TASP1: variants seen among roughly 807,000 people sequenced by gnomAD.
The protein encoded by TASP1 is taspase 1, also known as threonine aspartase 1.
In TASP1, 16 loss-of-function variants were observed where a neutral mutation model predicts 56.6. The observed-to-expected ratio is 0.28, with a 90% CI of 0.19 to 0.43. The LOEUF (loss-of-function observed/expected upper bound fraction) is 0.43. Ranked by LOEUF, TASP1 falls within the 20% of genes least tolerant of loss-of-function variation. The pLI is 1.00. For synonymous variants in TASP1, 179 were observed against 184.2 expected, an observed-to-expected ratio of 0.97 and a Z score of 0.23; for missense variants, 393 against 511.6, an observed-to-expected ratio of 0.77 and a Z score of 2.24.
the TASP1 span, among the ~76,000 whole-genome samples, chr20:13,182,035 A>G: frequency 3.9e-5 from 6 of 152,192 alleles, no homozygotes; most frequent in African/African-American, 1.4e-4. Flanking sequence ...CAAAAGCATT[A>G]AAGTTCACAT....
chr20:13,234,587 C>A, the TASP1 span, among the ~76,000 whole-genome samples: 7 of 152,160 alleles, frequency 4.6e-5, no homozygotes, highest in Non-Finnish European at 1.0e-4. Context: ...TATAAGTGTG[C>A]CCTTTTAGCC....
At chr20:13,506,881 C>A (rs1227605990) in intron 10 of TASP1, among the ~76,000 whole-genome samples, 75 of 143,964 alleles carry the variant, frequency 5.2e-4, no homozygotes, top group South Asian at 8.8e-4. Context: ...GAAATTAGGC[C>A]AAAAAAAAAA....
chr20:13,108,560 T>C, the TASP1 span, among the ~76,000 whole-genome samples: 1 of 152,202 alleles, frequency 6.6e-6, no homozygotes, highest in Non-Finnish European at 1.5e-5. Flanking sequence ...GTACTGACTA[T>C]GCAGCTTTAG....
the TASP1 span, among the ~76,000 whole-genome samples, chr20:13,163,605 G>A: frequency 6.6e-6 from 1 of 151,916 alleles, no homozygotes; most frequent in African/African-American, 2.4e-5. Flanking sequence ...TAGAAAAACA[G>A]GGAAGAACAT....
the TASP1 span, among the ~76,000 whole-genome samples, chr20:13,226,202 T>G: frequency 3.3e-5 from 5 of 152,270 alleles, no homozygotes; most frequent in African/African-American, 1.2e-4. Context: ...ATGAACACTT[T>G]CCATCTTTTA....
chr20:13,585,586 G>C (rs1352870449), intron 5 of TASP1, among the ~76,000 whole-genome samples: 1 of 147,250 alleles, frequency 6.8e-6, no homozygotes, highest in Non-Finnish European at 1.5e-5. Context: ...CATATGAAAA[G>C]GCTCTTATAA....
the TASP1 span, among the ~76,000 whole-genome samples, chr20:13,305,440 T>TTC: frequency 6.6e-6 from 1 of 152,168 alleles, no homozygotes; most frequent in Non-Finnish European, 1.5e-5. Context: ...CACAAAGAGT[T>TTC]ATGAATAAGC....
chr20:13,289,123 A>T, the TASP1 span, among the ~76,000 whole-genome samples: 1 of 152,186 alleles, frequency 6.6e-6, no homozygotes, highest in Non-Finnish European at 1.5e-5. Flanking sequence ...GAGTCAGGAG[A>T]TAATTGATGA....
chr20:13,608,365 T>C (rs2048233258), intron 4 of TASP1, among the ~76,000 whole-genome samples: 3 of 152,372 alleles, frequency 2.0e-5, no homozygotes, highest in South Asian at 4.1e-4. Context: ...AGATTTCCAA[T>C]TTAGATTCCT....
At chr20:13,381,772 A>T in the TASP1 span, among the ~76,000 whole-genome samples, 1 of 152,196 alleles carries the variant, frequency 6.6e-6, no homozygotes, top group African/African-American at 2.4e-5. Flanking sequence ...TCTCTAAGCC[A>T]TTATTCTGGG....
chr20:13,587,229 T>C (rs2047339817), intron 5 of TASP1, 21 bp downstream of exon 5: 5 of 1,593,640 alleles, frequency 3.1e-6, no homozygotes, highest in Non-Finnish European at 3.4e-6. Flanking sequence ...CCAAAGATAG[T>C]AGGTCATAAT....
At chr20:13,553,534 G>A (rs1291378066) in intron 8 of TASP1, among the ~76,000 whole-genome samples, 1 of 152,038 alleles carries the variant, frequency 6.6e-6, no homozygotes, top group Admixed American at 6.6e-5. Context: ...TCTCCATCAT[G>A]TCTTCCCTCT....
chr20:13,179,407 G>GTGTGCA, the TASP1 span, among the ~76,000 whole-genome samples: 8 of 39,454 alleles, frequency 2.0e-4, no homozygotes, highest in Non-Finnish European at 4.2e-4. Context: ...AATTATGTGC[G>GTGTGCA]TGTGTGTGTG....
chr20:13,457,498 G>A (rs1162188807), intron 11 of TASP1, among the ~76,000 whole-genome samples: 2 of 151,762 alleles, frequency 1.3e-5, no homozygotes, highest in African/African-American at 4.8e-5. Context: ...ATACTTAAAG[G>A]ATTTAAATTA....
intron 10 of TASP1, among the ~76,000 whole-genome samples, chr20:13,512,360 TGA>T (rs534844372): frequency 5.8e-4 from 88 of 152,298 alleles, no homozygotes; most frequent in African/African-American, 2.0e-3. Context: ...TAAGCAGTGA[TGA>T]TGAGCATTTT....
the TASP1 span, among the ~76,000 whole-genome samples, chr20:13,361,368 T>C: frequency 6.6e-6 from 1 of 152,154 alleles, no homozygotes; most frequent in East Asian, 1.9e-4. Context: ...AAGCCTTTAT[T>C]AGTCAAATCA....
At chr20:13,379,788 T>C in the TASP1 span, among the ~76,000 whole-genome samples, 3 of 152,220 alleles carry the variant, frequency 2.0e-5, no homozygotes, top group Admixed American at 2.0e-4. Context: ...TCATTCTTTT[T>C]TCTCTAATCT....
At chr20:13,219,391 G>A in the TASP1 span, among the ~76,000 whole-genome samples, 1 of 151,952 alleles carries the variant, frequency 6.6e-6, no homozygotes, top group Non-Finnish European at 1.5e-5. Flanking sequence ...AAAGCTGCTG[G>A]GATCCCCTCT....
intron 7 of TASP1, among the ~76,000 whole-genome samples, chr20:13,569,161 G>A (rs2046631824): frequency 6.6e-6 from 1 of 151,750 alleles, no homozygotes; most frequent in South Asian, 2.1e-4. Flanking sequence ...TCAGCTCAAG[G>A]ACTGTTAAAT....
Sources: allele counts gnomAD v4.1 joint callset (sites outside exome capture counted in the v4.1 genomes callset), GRCh38; gene constraint gnomAD v4.1.1; transcripts MANE v1.5; gene names NCBI Gene and HGNC (gene_info 2026-07-23, HGNC 2026-07-21).